The following ACER3 variants were observed in gnomAD, a reference collection of about 807,000 sequenced individuals.
The protein encoded by ACER3 is alkaline ceramidase 3, also known as alkCDase 3.
In ACER3, 16 loss-of-function variants were observed where a neutral mutation model predicts 48.9. The observed-to-expected ratio is 0.33, with a 90% confidence interval of 0.22 to 0.50. The LOEUF (loss-of-function observed/expected upper bound fraction) is 0.50, where lower values mean the gene tolerates loss of function less well. ACER3 is among the 20% of genes least tolerant of loss of function. The probability of loss-of-function intolerance (pLI) is 0.98; values close to 1 mark genes in which losing one functional copy is unlikely to be tolerated. For missense variants in ACER3, 227 were observed against 326.0 expected, an observed-to-expected ratio of 0.70 and a Z score of 2.34; for synonymous variants, 109 against 107.8, an observed-to-expected ratio of 1.01 and a Z score of -0.07.
At chr11:76,993,194 G>C (rs1948838310) in intron 6 of ACER3, among the ~76,000 whole-genome samples, 1 of 152,116 alleles carries the variant, frequency 6.6e-6, no homozygotes, top group African/African-American at 2.4e-5. Flanking sequence ...CCCTTTTTAA[G>C]TGCCTTCAAT....
At chr11:77,006,600 A>G (rs890030701) in intron 7 of ACER3, among the ~76,000 whole-genome samples, 8 of 151,942 alleles carry the variant, frequency 5.3e-5, no homozygotes, top group Non-Finnish European at 1.0e-4. Flanking sequence ...TATATTTACT[A>G]TATATAAAAT....
intron 1 of ACER3, among the ~76,000 whole-genome samples, chr11:76,885,107 TTTTGG>T (rs148099752): frequency 0.017 from 2,542 of 152,250 alleles, 63 homozygotes; most frequent in African/African-American, 0.055. Context: ...TTTAAAGTTC[TTTTGG>T]TTTGAAGTAT....
At chr11:76,984,270 GTAA>G (rs1433339773) in intron 4 of ACER3, among the ~76,000 whole-genome samples, 2 of 152,132 alleles carry the variant, frequency 1.3e-5, no homozygotes, top group African/African-American at 4.8e-5. Context: ...AATAACCATG[GTAA>G]TAAATACAAG....
intron 9 of ACER3, among the ~76,000 whole-genome samples, chr11:77,017,652 A>G (rs558347346): frequency 2.0e-5 from 3 of 152,340 alleles, no homozygotes; most frequent in Admixed American, 2.0e-4. Flanking sequence ...ACAAAAGGCC[A>G]CAGGTAGCCA....
chr11:76,986,984 T>G (rs572411770), intron 5 of ACER3, among the ~76,000 whole-genome samples: 18 of 152,228 alleles, frequency 1.2e-4, no homozygotes, highest in Non-Finnish European at 2.5e-4. Context: ...GAGAATTGCT[T>G]GAACCCCGGA....
intron 2 of ACER3, among the ~76,000 whole-genome samples, chr11:76,936,360 T>C (rs562429672): frequency 7.2e-5 from 11 of 152,236 alleles, no homozygotes; most frequent in Middle Eastern, 3.4e-3. Context: ...AGGAAAAGAA[T>C]TGGATGTGTG....
chr11:77,026,201 A>G lies in ACER3; in HGVS notation c.*5874A>G, dbSNP rs1945085. 60,421 of 152,062 alleles carry G rather than the reference A, an allele frequency of 0.4. 14,750 individuals are homozygous for G. The highest frequency in any genetic ancestry group is 0.56 in the Non-Finnish European group (37,841 of 67,968). The allele number at this position is 152,062 out of a possible 1,614,324, so 9.4% of individuals were successfully genotyped here. On this transcript the variant is annotated 3_prime_UTR_variant, in exon 11 of 11. Coordinates refer to ENST00000532485, the MANE Select transcript of ACER3 (RefSeq NM_018367.7). ...TGAGATCTTTTGACCATTTTTTCTC[A>G]TGTCATATAAAATGTGCCACATGGT...
intron 1 of ACER3, among the ~76,000 whole-genome samples, chr11:76,901,294 G>A (rs1946077116): frequency 6.6e-6 from 1 of 151,294 alleles, no homozygotes; most frequent in African/African-American, 2.4e-5. Flanking sequence ...ACTTTTAAAA[G>A]GCAGTTCCTT....
chr11:76,893,466 A>G (rs538986944), intron 1 of ACER3, among the ~76,000 whole-genome samples: 1 of 152,360 alleles, frequency 6.6e-6, no homozygotes, highest in Non-Finnish European at 1.5e-5. Flanking sequence ...GATCTTATAT[A>G]TATTTATACA....
chr11:76,907,896 A>G (rs780572792), intron 1 of ACER3, among the ~76,000 whole-genome samples: 2 of 151,708 alleles, frequency 1.3e-5, no homozygotes, highest in Non-Finnish European at 2.9e-5. Context: ...AAATAAGCCA[A>G]TAAGTTCTAG....
intron 1 of ACER3, among the ~76,000 whole-genome samples, chr11:76,924,973 C>CAAAAAAA (rs57093609): frequency 0.053 from 4,137 of 77,988 alleles, 317 homozygotes; most frequent in East Asian, 0.11. Flanking sequence ...AAGACTCTGT[C>CAAAAAAA]AAAAAAAAAA....
chr11:76,872,148 C>T (rs1192492772), intron 1 of ACER3, among the ~76,000 whole-genome samples: 1 of 151,578 alleles, frequency 6.6e-6, no homozygotes, highest in Non-Finnish European at 1.5e-5. Flanking sequence ...ACCACCTTGG[C>T]TCACTGCAAC....
chr11:76,885,576 G>A (rs11236998), intron 1 of ACER3, among the ~76,000 whole-genome samples: 9,294 of 152,202 alleles, frequency 0.061, 317 homozygotes, highest in Middle Eastern at 0.12. Flanking sequence ...TGGGCATACA[G>A]CTTTATTCCT....
At chr11:76,863,503 T>C (rs759813247) in intron 1 of ACER3, among the ~76,000 whole-genome samples, 3 of 152,214 alleles carry the variant, frequency 2.0e-5, no homozygotes, top group Non-Finnish European at 1.5e-5. Flanking sequence ...CAAGTCATCT[T>C]ACCATAGCAA....
Position 77,022,803 on chromosome 11 carries a change from C to T in ACER3, c.*2476C>T, listed in dbSNP as rs2826. On this transcript the variant is annotated 3_prime_UTR_variant, in exon 11 of 11. Coordinates refer to ENST00000532485, the MANE Select transcript of ACER3 (RefSeq NM_018367.7). ...GAAAAGTGCTCATCTGTGAACTCTA[C>T]AGCAAATTATATTTTAGAAAATACT... The T allele has an allele frequency of 0.76, 165,945 of 219,498 alleles. 63,289 individuals are homozygous for T. Among genetic ancestry groups the T allele is most frequent in the Non-Finnish European group, 0.8 (91,801 of 115,088 alleles). The allele number at this position is 219,498 out of a possible 1,614,324, so 13.6% of individuals were successfully genotyped here.
chr11:76,934,468 T>C (rs61900090), intron 2 of ACER3, among the ~76,000 whole-genome samples: 60,887 of 152,214 alleles, frequency 0.4, 14,901 homozygotes, highest in Non-Finnish European at 0.56. Context: ...GGCGGATCAC[T>C]TGTGGCTAGG....
At chr11:76,912,779 G>A (rs2134730259) in intron 1 of ACER3, among the ~76,000 whole-genome samples, 1 of 152,162 alleles carries the variant, frequency 6.6e-6, no homozygotes, top group East Asian at 1.9e-4. Context: ...AAATTTTTAT[G>A]CTATTTAATG....
intron 2 of ACER3, among the ~76,000 whole-genome samples, chr11:76,941,719 T>A (rs972038942): frequency 1.3e-5 from 2 of 152,094 alleles, no homozygotes; most frequent in African/African-American, 4.8e-5. Flanking sequence ...AGGGATTTCA[T>A]TGAACCTGTA....
chr11:76,902,778 AT>A (rs918558530), intron 1 of ACER3, among the ~76,000 whole-genome samples: 2 of 152,200 alleles, frequency 1.3e-5, no homozygotes, highest in Non-Finnish European at 2.9e-5. Flanking sequence ...CAGGGAGATG[AT>A]TAGTATCACA....
Sources: gnomAD v4.1 joint callset for allele counts (sites outside exome capture counted in the v4.1 genomes callset) on GRCh38, gnomAD v4.1.1 for gene constraint, MANE v1.5 for transcripts, NCBI Gene and HGNC (gene_info 2026-07-23, HGNC 2026-07-21) for gene names.